Variants in STXBP4 observed in about 807,000 individuals in gnomAD.
STXBP4 encodes syntaxin binding protein 4, also known as syntaxin-binding protein 4.
In STXBP4, 55 loss-of-function variants were observed where a neutral mutation model predicts 76.1. The observed-to-expected ratio is 0.72, with a 90% CI of 0.58 to 0.91. STXBP4 has a LOEUF of 0.91. Among genes scored for constraint, STXBP4 ranks in the 40% least tolerant of loss-of-function variants. The pLI, the probability that STXBP4 is intolerant of heterozygous loss-of-function variation, is 0.00. For missense variants in STXBP4, 618 were observed against 636.9 expected, an observed-to-expected ratio of 0.97 and a Z score of 0.32; for synonymous variants, 201 against 220.2, an observed-to-expected ratio of 0.91 and a Z score of 0.77.
At chr17:55,129,901 CAA>C (rs1261741263) in intron 16 of STXBP4, among the ~76,000 whole-genome samples, 1 of 152,046 alleles carries the variant, frequency 6.6e-6, no homozygotes, top group Admixed American at 6.6e-5. Flanking sequence ...AACCTTAAGA[CAA>C]AGAGATTATC....
the STXBP4 span, among the ~76,000 whole-genome samples, chr17:55,199,894 C>G: frequency 9.6e-3 from 1,467 of 152,312 alleles, 28 homozygotes; most frequent in African/African-American, 0.033. Context: ...TTTCAGTTCT[C>G]CCAGCCAACT....
At chr17:55,186,367 C>A in the STXBP4 span, among the ~76,000 whole-genome samples, 1 of 152,154 alleles carries the variant, frequency 6.6e-6, no homozygotes, top group East Asian at 1.9e-4. Flanking sequence ...ACGGAAAAAG[C>A]GATCTTAAGA....
chr17:55,121,940 G>A (rs72628381), intron 16 of STXBP4, among the ~76,000 whole-genome samples: 6,426 of 151,938 alleles, frequency 0.042, 230 homozygotes, highest in East Asian at 0.2. Context: ...AACACCTAAA[G>A]GATACTAGAG....
intron 16 of STXBP4, among the ~76,000 whole-genome samples, chr17:55,122,261 C>T (rs965764237): frequency 6.6e-6 from 1 of 152,134 alleles, no homozygotes; most frequent in African/African-American, 2.4e-5. Context: ...AGTCATTGTC[C>T]ACAATCATGT....
intron 8 of STXBP4, among the ~76,000 whole-genome samples, chr17:55,029,056 A>AT (rs910587723): frequency 5.3e-5 from 8 of 152,044 alleles, no homozygotes; most frequent in Non-Finnish European, 1.2e-4. Flanking sequence ...AATTTAAAAA[A>AT]AAAAGCAGAT....
intron 12 of STXBP4, among the ~76,000 whole-genome samples, chr17:55,054,756 A>G (rs576162990): frequency 6.6e-6 from 1 of 152,272 alleles, no homozygotes; most frequent in South Asian, 2.1e-4. Flanking sequence ...AAATATTACA[A>G]ATAATAGAAG....
chr17:55,079,598 CAAAAAA>C (rs5821084), intron 15 of STXBP4, among the ~76,000 whole-genome samples: 1 of 114,310 alleles, frequency 8.7e-6, no homozygotes. Flanking sequence ...CCTATCTCTA[CAAAAAA>C]AAAAAAAAAA....
chr17:55,133,222 C>A (rs1456773224), intron 16 of STXBP4, among the ~76,000 whole-genome samples: 1 of 151,590 alleles, frequency 6.6e-6, no homozygotes, highest in East Asian at 1.9e-4. Context: ...GACAAAGCCA[C>A]CAAGATATGC....
chr17:55,003,840 C>T (rs1487451398), intron 7 of STXBP4, among the ~76,000 whole-genome samples: 1 of 152,020 alleles, frequency 6.6e-6, no homozygotes, highest in Non-Finnish European at 1.5e-5. Flanking sequence ...TGTAAGTGAG[C>T]TAACAATATA....
chr17:55,031,208 A>G lies in STXBP4; in HGVS notation c.707A>G (p.His236Arg), dbSNP rs777141661. The G allele has an allele frequency of 2.5e-6, 4 of 1,613,380 alleles. No homozygotes were observed. Residue 236 changes from histidine (H) to arginine (R), a missense_variant, in exon 9 of 18, where the codon CAC becomes CGC. By Grantham distance (29) the His-to-Arg change is conservative. Transcript: ENST00000376352. Reference sequence around the variant, plus strand: ...GGTATTCAGCCCACAAAGGAACAACACCAAGCCCTGAGACAGCAAGTACAA... The same window carrying G: ...GGTATTCAGCCCACAAAGGAACAACGCCAAGCCCTGAGACAGCAAGTACAA... ...YLGIQPTKEQ[H>R]QALRQQVQAD...
Position 55,057,341 on chromosome 17 carries a change from C to T in STXBP4, c.1011+10187C>T, listed in dbSNP as rs567866071. On this transcript the variant is annotated intron_variant, in intron 12 of 17. Transcript: ENST00000376352. Reference sequence around the variant, plus strand: ...GTATTGTCCTCCTTTTTTCTTTTAACAGTTTTATAAACTACTGATGACTCA... The same window carrying T: ...GTATTGTCCTCCTTTTTTCTTTTAATAGTTTTATAAACTACTGATGACTCA... Among the ~76,000 whole-genome samples the T allele has an allele frequency of 2.9e-4, 44 of 152,240 alleles. 1 individual carries two copies. Among genetic ancestry groups the T allele is most frequent in the Middle Eastern group, 6.8e-3 (2 of 294 alleles).
intron 16 of STXBP4, among the ~76,000 whole-genome samples, chr17:55,102,448 G>T (rs1164636040): frequency 6.6e-6 from 1 of 152,014 alleles, no homozygotes; most frequent in African/African-American, 2.4e-5. Context: ...TCAGCAAAGG[G>T]CATGAACTCA....
chr17:55,010,004 A>G (rs1171644001), intron 8 of STXBP4, among the ~76,000 whole-genome samples: 3 of 151,948 alleles, frequency 2.0e-5, no homozygotes, highest in East Asian at 1.9e-4. Flanking sequence ...ACACATTCCT[A>G]TTCAGTAATA....
intron 16 of STXBP4, among the ~76,000 whole-genome samples, chr17:55,104,347 T>G (rs1264161229): frequency 6.6e-6 from 1 of 152,150 alleles, no homozygotes; most frequent in Non-Finnish European, 1.5e-5. Context: ...GGGTGTTGAA[T>G]TTTATGGAAG....
At position 55,164,883 on chromosome 17, in the gene STXBP4, T is replaced by A. The variant is rs1431374718; in HGVS notation, c.*4972T>A. The A allele has an allele frequency of 6.6e-6, 1 of 152,378 alleles. No homozygotes were observed. 9.4% of individuals were successfully genotyped at this position (152,378 alleles called of 1,614,324 possible). The stretch of plus-strand genomic sequence containing the variant: ...TGTCTTCTTGTATTCATTTACTCAC[T>A]TACACACTTACCGAGAGCTACTAGA... On this transcript the variant is annotated 3_prime_UTR_variant, in exon 18 of 18. Transcript: ENST00000376352.
At chr17:55,026,506 G>C (rs1327032752) in intron 8 of STXBP4, among the ~76,000 whole-genome samples, 2 of 152,068 alleles carry the variant, frequency 1.3e-5, no homozygotes, top group Admixed American at 6.6e-5. Flanking sequence ...AAAGAAGCAG[G>C]AGGCTGCAGC....
chr17:54,992,626 A>G (rs902510354), intron 4 of STXBP4, among the ~76,000 whole-genome samples: 3 of 151,174 alleles, frequency 2.0e-5, no homozygotes, highest in African/African-American at 7.3e-5. Flanking sequence ...TGTTCAATAT[A>G]GTAAGGCATT....
At chr17:55,067,482 C>T (rs754668935) in intron 12 of STXBP4, among the ~76,000 whole-genome samples, 7 of 151,986 alleles carry the variant, frequency 4.6e-5, no homozygotes, top group Non-Finnish European at 8.8e-5. Flanking sequence ...AAGAATTTCA[C>T]CTGGTAAATG....
chr17:55,203,148 C>T, the STXBP4 span, among the ~76,000 whole-genome samples: 2 of 152,216 alleles, frequency 1.3e-5, no homozygotes. Flanking sequence ...TTCTAGAACA[C>T]CTGTTTTGCT....
Sources: gnomAD v4.1 joint callset for allele counts (sites outside exome capture counted in the v4.1 genomes callset) on GRCh38, gnomAD v4.1.1 for gene constraint, MANE v1.5 for transcripts, NCBI Gene and HGNC (gene_info 2026-07-23, HGNC 2026-07-21) for gene names.